The following PIWIL1 variants were observed in gnomAD, a reference collection of about 807,000 sequenced individuals.
PIWIL1 encodes piwi-like protein 1.
In PIWIL1, 73 loss-of-function variants were observed where a neutral mutation model predicts 114.4. That is an observed-to-expected ratio of 0.64 (90% confidence interval 0.53 to 0.78). The LOEUF (loss-of-function observed/expected upper bound fraction) is 0.78, where lower values mean the gene tolerates loss of function less well. Ranked by LOEUF, PIWIL1 falls within the 30% of genes least tolerant of loss-of-function variation. The pLI, the probability that PIWIL1 is intolerant of heterozygous loss-of-function variation, is 0.00. For synonymous variants in PIWIL1, 375 were observed against 369.0 expected (o/e 1.02, Z -0.19); for missense variants, 723 against 1,063.1 (o/e 0.68, Z 4.45).
At chr12:130,366,366 G>A (rs35871820) in intron 18 of PIWIL1, 3,809 of 152,660 alleles carry the variant, frequency 0.025, 52 homozygotes, top group Middle Eastern at 0.05. Flanking sequence ...GCTGCTCTCC[G>A]CAGGGTCAGA....
At chr12:130,424,971 G>A in the PIWIL1 span, 22 of 556,764 alleles carry the variant, frequency 4.0e-5, no homozygotes, top group South Asian at 3.0e-4. The surrounding 1 kb of genome is among the most constrained non-coding windows in gnomAD (Gnocchi z 9.8). Context: ...AGGCACCGAG[G>A]GGGGGGAAGC....
At chr12:130,392,233 G>C in the PIWIL1 span, among the ~76,000 whole-genome samples, 1 of 136,938 alleles carries the variant, frequency 7.3e-6, no homozygotes, top group East Asian at 2.1e-4. Context: ...ATTGAACGTT[G>C]TGATGACCCG....
the PIWIL1 span, among the ~76,000 whole-genome samples, chr12:130,393,558 T>C: frequency 6.6e-6 from 1 of 152,108 alleles, no homozygotes; most frequent in Non-Finnish European, 1.5e-5. Flanking sequence ...CTGAATGTTG[T>C]GATGACCCAG....
At chr12:130,384,746 AAC>A in the PIWIL1 span, among the ~76,000 whole-genome samples, 2 of 152,224 alleles carry the variant, frequency 1.3e-5, no homozygotes, top group Non-Finnish European at 2.9e-5. Flanking sequence ...ATAGAAAACC[AAC>A]AGAGTCTTGT....
chr12:130,393,464 G>A, the PIWIL1 span, among the ~76,000 whole-genome samples: 25 of 83,876 alleles, frequency 3.0e-4, no homozygotes, highest in South Asian at 2.0e-3. Flanking sequence ...CTGTCATCAC[G>A]TGTCCGTCAG....
At chr12:130,405,211 A>G in the PIWIL1 span, among the ~76,000 whole-genome samples, 2 of 152,058 alleles carry the variant, frequency 1.3e-5, no homozygotes, top group Admixed American at 6.5e-5. Context: ...ACACACACAC[A>G]CAAAGTTAAA....
In PIWIL1 at chr12:130,346,013, C is replaced by T. The variant is rs921982896; in HGVS notation, c.316+135C>T. The T allele has an allele frequency of 2.0e-5, 17 of 831,598 alleles. No homozygotes were observed. The African/African-American group carries it at 2.2e-4, about 11-fold the overall frequency. 51.5% of individuals were successfully genotyped at this position (831,598 alleles called of 1,614,324 possible). On this transcript the variant is annotated intron_variant, in intron 4 of 20. Coordinates refer to ENST00000245255, the MANE Select transcript of PIWIL1 (RefSeq NM_004764.5). ...TTCGATTTTCCTCACTTTCTTTTGG[C>T]GTTGATGAAGTAGGTTATAGATATC...
the PIWIL1 span, among the ~76,000 whole-genome samples, chr12:130,415,065 C>G: frequency 6.6e-6 from 1 of 152,168 alleles, no homozygotes; most frequent in Non-Finnish European, 1.5e-5. Context: ...AAGCCAACAT[C>G]ACCCTGATAC....
the PIWIL1 span, among the ~76,000 whole-genome samples, chr12:130,420,073 T>C: frequency 2.0e-5 from 3 of 152,352 alleles, no homozygotes; most frequent in South Asian, 6.2e-4. This position sits in a 1 kb window ranked among gnomAD's most constrained non-coding sequence, Gnocchi z 4.3. Context: ...TAAAATATTG[T>C]TTTCTAGTAT....
Position 130,363,043 on chromosome 12 carries a change from C to T in PIWIL1, c.2094C>T (p.Ile698=), listed in dbSNP as rs372258497. ...ATGAGTACATGCCCAGCCGGATCAT[C>T]GTGTACCGCGATGGCGTAGGAGACG... The part of the protein sequence containing the change: ...SCNEYMPSRI[I]VYRDGVGDGQ... The change falls in exon 18 of 21, where the codon ATC becomes ATT. Residue 698 remains isoleucine (I), a synonymous_variant. Coordinates refer to ENST00000245255, the MANE Select transcript of PIWIL1 (RefSeq NM_004764.5). The T allele has an allele frequency of 4.0e-5, 64 of 1,614,110 alleles. No homozygotes were observed. The highest frequency in any genetic ancestry group is 1.9e-4 in the African/African-American group (14 of 74,936).
At chr12:130,365,144 G>GT (rs2136187691) in intron 18 of PIWIL1, among the ~76,000 whole-genome samples, 1 of 152,362 alleles carries the variant, frequency 6.6e-6, no homozygotes, top group East Asian at 1.9e-4. Context: ...CCATCAGCGA[G>GT]TGGGAACACA....
At chr12:130,408,078 T>C in the PIWIL1 span, among the ~76,000 whole-genome samples, 1 of 152,128 alleles carries the variant, frequency 6.6e-6, no homozygotes, top group Non-Finnish European at 1.5e-5. Context: ...TTTTCCTTCC[T>C]CCAGTCTGTC....
At chr12:130,380,732 A>G in the PIWIL1 span, among the ~76,000 whole-genome samples, 7,083 of 152,294 alleles carry the variant, frequency 0.047, 239 homozygotes, top group Non-Finnish European at 0.073. Context: ...GTAGTACTCA[A>G]GATAAAAGGG....
At chr12:130,406,848 T>C in the PIWIL1 span, among the ~76,000 whole-genome samples, 1 of 152,216 alleles carries the variant, frequency 6.6e-6, no homozygotes, top group Non-Finnish European at 1.5e-5. Context: ...GGTTTTGCCA[T>C]GTTGCCCAGG....
intron 19 of PIWIL1, among the ~76,000 whole-genome samples, chr12:130,367,832 G>T (rs889267022): frequency 6.6e-6 from 1 of 152,154 alleles, no homozygotes; most frequent in Admixed American, 6.5e-5. Flanking sequence ...CAGAGTCACT[G>T]TGTTCCCCAG....
intron 7 of PIWIL1, among the ~76,000 whole-genome samples, chr12:130,348,630 T>C (rs10773768): frequency 0.77 from 117,308 of 152,088 alleles, 46,028 homozygotes; most frequent in African/African-American, 0.92. Flanking sequence ...AGGCCGGGCG[T>C]GGTGGCTCAT....
At chr12:130,391,888 C>T in the PIWIL1 span, among the ~76,000 whole-genome samples, 3 of 152,176 alleles carry the variant, frequency 2.0e-5, no homozygotes, top group Non-Finnish European at 4.4e-5. Flanking sequence ...CCCTAGTCAC[C>T]GTCCTCACAT....
the PIWIL1 span, among the ~76,000 whole-genome samples, chr12:130,408,366 G>A: frequency 6.6e-6 from 1 of 152,212 alleles, no homozygotes; most frequent in Non-Finnish European, 1.5e-5. Flanking sequence ...TCTCCACCCA[G>A]CCCAGTGGCT....
At chr12:130,414,238 C>T in the PIWIL1 span, 3 of 1,614,032 alleles carry the variant, frequency 1.9e-6, no homozygotes, top group Non-Finnish European at 2.5e-6. Context: ...GCCGGGAGCT[C>T]TTCGGCACCA....
Sources: gnomAD v4.1 joint callset for allele counts (sites outside exome capture counted in the v4.1 genomes callset) on GRCh38, gnomAD v4.1.1 for gene constraint, Gnocchi (gnomAD v3.1) non-coding constraint, MANE v1.5 for transcripts, NCBI Gene and HGNC (gene_info 2026-07-23, HGNC 2026-07-21) for gene names.